GRID2: variants seen among roughly 807,000 people sequenced by gnomAD.
GRID2 encodes glutamate ionotropic receptor delta type subunit 2, also known as glutamate receptor ionotropic, delta-2.
GRID2 carries 33 observed loss-of-function variants against 114.8 expected under a neutral mutation model. The ratio of observed to expected loss-of-function variants is 0.29; its 90% CI spans 0.22 to 0.38. GRID2 has a LOEUF of 0.38. Ranked by LOEUF, GRID2 falls within the 10% of genes least tolerant of loss-of-function variation. GRID2 has a pLI of 1.00. For synonymous variants in GRID2, 505 were observed against 449.9 expected, an observed-to-expected ratio of 1.12 and a Z score of -1.55; for missense variants, 1,184 against 1,257.7, an observed-to-expected ratio of 0.94 and a Z score of 0.89.
At chr4:92,911,898 G>T (rs1042586177) in intron 2 of GRID2, among the ~76,000 whole-genome samples, 1 of 151,574 alleles carries the variant, frequency 6.6e-6, no homozygotes, top group African/African-American at 2.4e-5. Flanking sequence ...AATAGTATTA[G>T]AGATAACAAA....
chr4:92,598,810 A>AT (rs1341841403), intron 2 of GRID2, among the ~76,000 whole-genome samples: 2 of 152,104 alleles, frequency 1.3e-5, no homozygotes, highest in East Asian at 3.9e-4. Context: ...GTATGTGATG[A>AT]TTTAGTACCA....
chr4:93,227,961 T>C (rs537368963), intron 7 of GRID2, among the ~76,000 whole-genome samples: 1 of 152,316 alleles, frequency 6.6e-6, no homozygotes, highest in Non-Finnish European at 1.5e-5. Flanking sequence ...ACAGCTCTCC[T>C]CTTCCAAGTC....
intron 2 of GRID2, among the ~76,000 whole-genome samples, chr4:92,946,616 G>A (rs1373394032): frequency 6.6e-6 from 1 of 151,886 alleles, no homozygotes; most frequent in Admixed American, 6.6e-5. Flanking sequence ...AGCAATATTG[G>A]CTTTAGCTGA....
At chr4:93,778,347 T>C (rs567545925), downstream of GRID2, among the ~76,000 whole-genome samples, 56 of 151,236 alleles carry the variant, frequency 3.7e-4, no homozygotes, top group African/African-American at 1.4e-3. Context: ...ACACTAAAAT[T>C]AAGCTGAAAA....
intron 2 of GRID2, among the ~76,000 whole-genome samples, chr4:92,847,419 A>T (rs138738452): frequency 6.6e-6 from 1 of 152,004 alleles, no homozygotes; most frequent in Non-Finnish European, 1.5e-5. Context: ...CTGCTACATG[A>T]TTTAAGTTAT....
chr4:93,711,764 G>A (rs573433794), intron 14 of GRID2, among the ~76,000 whole-genome samples: 1 of 152,294 alleles, frequency 6.6e-6, no homozygotes, highest in South Asian at 2.1e-4. Context: ...GGCTGCTGCT[G>A]GGGCATGGGC....
At chr4:93,785,580 A>G (rs560775496) in intron 1 of GRID2, among the ~76,000 whole-genome samples, 1 of 152,362 alleles carries the variant, frequency 6.6e-6, no homozygotes, top group East Asian at 1.9e-4. Flanking sequence ...GGTATGGAGC[A>G]GGCCTTGTAA....
chr4:93,398,832 A>T (rs1269195491), intron 9 of GRID2, among the ~76,000 whole-genome samples: 1 of 150,510 alleles, frequency 6.6e-6, no homozygotes, highest in Non-Finnish European at 1.5e-5. Context: ...TACTTATTAC[A>T]TTACTACAAT....
intron 1 of GRID2, among the ~76,000 whole-genome samples, chr4:92,369,367 A>T (rs1362367471): frequency 6.6e-6 from 1 of 152,170 alleles, no homozygotes; most frequent in Non-Finnish European, 1.5e-5. Context: ...CTTATCTGAG[A>T]TCATAACCAA....
intron 9 of GRID2, among the ~76,000 whole-genome samples, chr4:93,398,265 T>C (rs1417466486): frequency 1.3e-5 from 2 of 150,826 alleles, no homozygotes; most frequent in African/African-American, 4.9e-5. Context: ...CTAGAAGAAA[T>C]TGAAGAATAA....
At chr4:93,141,005 CCTTCTTTAT>C (rs1194130366) in intron 4 of GRID2, among the ~76,000 whole-genome samples, 10 of 152,092 alleles carry the variant, frequency 6.6e-5, no homozygotes, top group Non-Finnish European at 1.5e-4. Context: ...GAACTGTCTG[CCTTCTTTAT>C]CTACAAAGTT....
chr4:92,919,108 A>C (rs1435188112), intron 2 of GRID2, among the ~76,000 whole-genome samples: 1 of 151,618 alleles, frequency 6.6e-6, no homozygotes, highest in Admixed American at 6.6e-5. Flanking sequence ...GAATTTATCC[A>C]TTTTTTCTAG....
intron 4 of GRID2, chr4:93,203,960 T>C (rs1260045771): frequency 1.3e-5 from 2 of 152,140 alleles, no homozygotes; most frequent in African/African-American, 4.8e-5. Flanking sequence ...CATGGCCTTG[T>C]AATACCCTGC....
intron 9 of GRID2, among the ~76,000 whole-genome samples, chr4:93,419,537 C>A (rs1768057417): frequency 6.6e-6 from 1 of 151,896 alleles, no homozygotes; most frequent in Non-Finnish European, 1.5e-5. Context: ...TGGTCCAAAT[C>A]CGTAATAGAG....
At chr4:92,959,811 A>G (rs1433811421) in intron 2 of GRID2, among the ~76,000 whole-genome samples, 2 of 152,086 alleles carry the variant, frequency 1.3e-5, no homozygotes, top group Non-Finnish European at 1.5e-5. Context: ...CAATGAGAAC[A>G]CATGGACACA....
chr4:93,741,201 G>GTATATATATATATATATA (rs1188641160), intron 14 of GRID2, among the ~76,000 whole-genome samples: 1 of 53,732 alleles, frequency 1.9e-5, no homozygotes, highest in Non-Finnish European at 3.0e-5. Context: ...ATATATATAT[G>GTATATATATATATATATA]TATATATATA....
At chr4:93,302,864 AG>A (rs1755022701) in intron 8 of GRID2, among the ~76,000 whole-genome samples, 1 of 152,210 alleles carries the variant, frequency 6.6e-6, no homozygotes, top group Non-Finnish European at 1.5e-5. Flanking sequence ...GGGCTTTTTT[AG>A]CAAAAGCTGA....
chr4:93,771,372 C>T (rs1734093314), intron 15 of GRID2, among the ~76,000 whole-genome samples: 1 of 152,096 alleles, frequency 6.6e-6, no homozygotes, highest in South Asian at 2.1e-4. Context: ...TAAAGCTGGC[C>T]CTAAACTAAA....
At chr4:93,149,849 G>C (rs769447464) in intron 4 of GRID2, among the ~76,000 whole-genome samples, 3 of 151,430 alleles carry the variant, frequency 2.0e-5, no homozygotes, top group African/African-American at 7.3e-5. Context: ...TGACCAGGCC[G>C]GTCTTGAACT....
Sources: gnomAD v4.1 joint callset for allele counts (sites outside exome capture counted in the v4.1 genomes callset) on GRCh38, gnomAD v4.1.1 for gene constraint, MANE v1.5 for transcripts, NCBI Gene and HGNC (gene_info 2026-07-23, HGNC 2026-07-21) for gene names.